Variants in DCAF8L2 observed in about 807,000 individuals in gnomAD.
The protein encoded by DCAF8L2 is DDB1 and CUL4 associated factor 8 like 2.
For missense variants in DCAF8L2, 430 were observed against 490.7 expected (o/e 0.88, Z 1.17); for synonymous variants, 200 against 190.9 (o/e 1.05, Z -0.39).
At chrX:27,510,861 A>G in the DCAF8L2 span, among the ~76,000 whole-genome samples, 1 of 111,496 alleles carries the variant, frequency 9.0e-6, no homozygotes, top group Non-Finnish European at 1.9e-5. Flanking sequence ...AATTATGTAA[A>G]TAGGCAAGTG....
the DCAF8L2 span, among the ~76,000 whole-genome samples, chrX:27,574,909 A>T: frequency 9.0e-6 from 1 of 111,466 alleles, no homozygotes; most frequent in African/African-American, 3.3e-5. Flanking sequence ...GTGCTCTTTT[A>T]GGCGGCTTGT....
chrX:27,648,382 A>G (rs190565934), intron 2 of DCAF8L2, among the ~76,000 whole-genome samples: 1 of 109,476 alleles, frequency 9.1e-6, no homozygotes, highest in South Asian at 3.8e-4. Flanking sequence ...TATAAGCACT[A>G]AATTCAGGAT....
chrX:27,622,162 G>C (rs928401733), intron 1 of DCAF8L2, among the ~76,000 whole-genome samples: 1 of 111,058 alleles, frequency 9.0e-6, no homozygotes, highest in African/African-American at 3.3e-5. Flanking sequence ...GCACCAAGCA[G>C]TATGTATAAG....
chrX:27,681,066 A>G (rs1267419938), intron 3 of DCAF8L2, among the ~76,000 whole-genome samples: 2 of 111,606 alleles, frequency 1.8e-5, no homozygotes, highest in South Asian at 7.4e-4. Context: ...TTAGAGGTAG[A>G]TATCTATAGG....
the DCAF8L2 span, among the ~76,000 whole-genome samples, chrX:27,556,909 C>T: frequency 9.0e-6 from 1 of 111,461 alleles, no homozygotes; most frequent in Non-Finnish European, 1.9e-5. Flanking sequence ...ATTTAAACAC[C>T]AACATTAACT....
chrX:27,674,227 CATT>C (rs1472627296), intron 2 of DCAF8L2, among the ~76,000 whole-genome samples: 2 of 111,403 alleles, frequency 1.8e-5, no homozygotes, highest in Non-Finnish European at 3.8e-5. Flanking sequence ...ACAGACCTGT[CATT>C]ATTAAGAGAT....
intron 1 of DCAF8L2, among the ~76,000 whole-genome samples, chrX:27,595,544 T>C (rs936270722): frequency 1.8e-5 from 2 of 112,337 alleles, no homozygotes; most frequent in Non-Finnish European, 3.8e-5. Context: ...TTGCTCCTCA[T>C]TCATTTCCTG....
At chrX:27,619,177 G>A (rs1422208929) in intron 1 of DCAF8L2, among the ~76,000 whole-genome samples, 2 of 111,310 alleles carry the variant, frequency 1.8e-5, no homozygotes, top group Non-Finnish European at 3.8e-5. Flanking sequence ...AGTCAAGAAA[G>A]TATGACAATG....
chrX:27,636,359 A>C (rs1264794254), intron 2 of DCAF8L2, among the ~76,000 whole-genome samples: 1 of 112,157 alleles, frequency 8.9e-6, no homozygotes, highest in Non-Finnish European at 1.9e-5. Context: ...GCTAAAATCT[A>C]CTACAATTGC....
intron 4 of DCAF8L2, among the ~76,000 whole-genome samples, chrX:27,741,546 G>T (rs1459215302): frequency 1.8e-5 from 2 of 110,945 alleles, no homozygotes; most frequent in Non-Finnish European, 3.8e-5. Context: ...ACAAGAGTGA[G>T]GAGCAGCTGC....
intron 2 of DCAF8L2, chrX:27,633,277 T>C (rs1164940144): frequency 1.8e-5 from 2 of 112,061 alleles, no homozygotes; most frequent in African/African-American, 3.2e-5. Context: ...TGGAGAAAAA[T>C]TATAATTTTC....
rs781161407 is a variant in DCAF8L2 at position 27,716,013 on chromosome X, G to T, written c.-142-75G>T. The T allele has an allele frequency of 3.6e-5, 4 of 112,323 alleles. No individual in the cohort carries two copies. In the East Asian group the frequency reaches 8.4e-4, roughly 24 times the overall value. 9.3% of individuals were successfully genotyped at this position (112,323 alleles called of 1,213,427 possible). A position where few individuals can be genotyped will look rare whatever the true frequency, so the allele number is the denominator to read the frequency against. On this transcript the variant is annotated intron_variant, in intron 3 of 4. Coordinates refer to ENST00000451261, the MANE Select transcript of DCAF8L2 (RefSeq NM_001353450.2). ...AGTATTGGACAAACTAAAATCCAATGACTTGGTTTGTTTATTATCCTTATT... is the reference window on the plus strand; with the variant it reads ...AGTATTGGACAAACTAAAATCCAATTACTTGGTTTGTTTATTATCCTTATT...
chrX:27,524,811 T>C, the DCAF8L2 span, among the ~76,000 whole-genome samples: 2 of 111,947 alleles, frequency 1.8e-5, no homozygotes, highest in African/African-American at 3.2e-5. Flanking sequence ...CAGGAGCAGG[T>C]TGTTCAGTTT....
intron 4 of DCAF8L2, among the ~76,000 whole-genome samples, chrX:27,735,057 C>T (rs759820197): frequency 2.7e-5 from 3 of 111,727 alleles, no homozygotes; most frequent in Non-Finnish European, 5.6e-5. Flanking sequence ...ACATTTATGA[C>T]AGGTGGTAAT....
chrX:27,551,156 A>C, the DCAF8L2 span, among the ~76,000 whole-genome samples: 1 of 108,852 alleles, frequency 9.2e-6, no homozygotes, highest in Non-Finnish European at 1.9e-5. Flanking sequence ...GAAGCACAAC[A>C]ATATTGAAAT....
the DCAF8L2 span, among the ~76,000 whole-genome samples, chrX:27,474,902 G>T: frequency 9.0e-6 from 1 of 110,643 alleles, no homozygotes. Context: ...AGTGAAGGCG[G>T]TAAAGGAGAA....
the DCAF8L2 span, among the ~76,000 whole-genome samples, chrX:27,509,187 G>A: frequency 9.0e-6 from 1 of 111,270 alleles, no homozygotes; most frequent in Non-Finnish European, 1.9e-5. Flanking sequence ...CTGGAGAGGA[G>A]ATATAGAGCA....
At chrX:27,683,261 C>CA (rs1440125651) in intron 3 of DCAF8L2, among the ~76,000 whole-genome samples, 8 of 111,866 alleles carry the variant, frequency 7.2e-5, no homozygotes, top group Non-Finnish European at 1.5e-4. Flanking sequence ...TTCCCACTGT[C>CA]AATCTCTGCT....
At chrX:27,736,222 C>T (rs1488104640) in intron 4 of DCAF8L2, among the ~76,000 whole-genome samples, 1 of 111,241 alleles carries the variant, frequency 9.0e-6, no homozygotes, top group Non-Finnish European at 1.9e-5. Flanking sequence ...CTTCATAGCC[C>T]TTATCTATCA....
Sources: gnomAD v4.1 joint callset for allele counts (sites outside exome capture counted in the v4.1 genomes callset) on GRCh38, gnomAD v4.1.1 for gene constraint, MANE v1.5 for transcripts, NCBI Gene and HGNC (gene_info 2026-07-23, HGNC 2026-07-21) for gene names.